B3GLCT: variants seen among roughly 807,000 people sequenced by gnomAD.
The protein encoded by B3GLCT is beta-1,3-glucosyltransferase.
In B3GLCT, 65 loss-of-function variants were observed where a neutral mutation model predicts 63.4. The ratio of observed to expected loss-of-function variants is 1.03; its 90% CI spans 0.84 to 1.26. B3GLCT has a LOEUF of 1.26. B3GLCT is among the 50% of genes most tolerant of loss of function. The pLI, the probability that B3GLCT is intolerant of heterozygous loss-of-function variation, is 0.00. For missense variants in B3GLCT, 577 were observed against 604.8 expected (o/e 0.95, Z 0.48); for synonymous variants, 233 against 219.2 (o/e 1.06, Z -0.55).
chr13:31,298,621 C>A (rs9543981), intron 12 of B3GLCT, among the ~76,000 whole-genome samples: 11,436 of 151,526 alleles, frequency 0.075, 627 homozygotes, highest in Non-Finnish European at 0.12. Flanking sequence ...ACTACTATTT[C>A]TCTTTCTCTC....
intron 1 of B3GLCT, among the ~76,000 whole-genome samples, chr13:31,207,188 G>T (rs1869003348): frequency 6.6e-6 from 1 of 152,098 alleles, no homozygotes; most frequent in South Asian, 2.1e-4. Flanking sequence ...TTAATAAGAT[G>T]CCCAAAAGTT....
At chr13:31,224,924 G>T (rs1313277729) in intron 3 of B3GLCT, among the ~76,000 whole-genome samples, 1 of 152,146 alleles carries the variant, frequency 6.6e-6, no homozygotes, top group African/African-American at 2.4e-5. Context: ...CCCATGGTAG[G>T]TGCTCAGCAA....
chr13:31,312,158 C>G (rs1393332560), intron 12 of B3GLCT, among the ~76,000 whole-genome samples: 1 of 152,200 alleles, frequency 6.6e-6, no homozygotes, highest in Admixed American at 6.5e-5. Flanking sequence ...TGAAGTCTTG[C>G]TCTTTCTATG....
intron 4 of B3GLCT, among the ~76,000 whole-genome samples, chr13:31,241,283 C>G (rs1305540608): frequency 6.6e-6 from 1 of 152,240 alleles, no homozygotes; most frequent in Non-Finnish European, 1.5e-5. Context: ...GGGTGGGCCT[C>G]CCTTCCAGCA....
At chr13:31,274,214 T>A (rs977885563) in intron 8 of B3GLCT, among the ~76,000 whole-genome samples, 3 of 152,244 alleles carry the variant, frequency 2.0e-5, no homozygotes, top group African/African-American at 7.2e-5. Context: ...CTTACATCTC[T>A]CTCTGTGATG....
chr13:31,250,614 A>G (rs1390105394), intron 6 of B3GLCT, among the ~76,000 whole-genome samples: 1 of 152,258 alleles, frequency 6.6e-6, no homozygotes, highest in Non-Finnish European at 1.5e-5. Context: ...AACTGGGTGG[A>G]GCCCACCACA....
intron 1 of B3GLCT, among the ~76,000 whole-genome samples, chr13:31,213,028 G>C (rs1032049916): frequency 2.0e-5 from 3 of 150,420 alleles, no homozygotes; most frequent in African/African-American, 7.5e-5. Context: ...TTGTGTGTGT[G>C]TGTGTGTGCA....
intron 1 of B3GLCT, among the ~76,000 whole-genome samples, chr13:31,211,222 C>T (rs1869241163): frequency 6.6e-6 from 1 of 152,098 alleles, no homozygotes; most frequent in Non-Finnish European, 1.5e-5. Flanking sequence ...TGGCAAAACC[C>T]CATCTCTACT....
intron 3 of B3GLCT, among the ~76,000 whole-genome samples, chr13:31,228,089 C>T (rs752332435): frequency 6.6e-6 from 1 of 152,148 alleles, no homozygotes; most frequent in Non-Finnish European, 1.5e-5. Flanking sequence ...TCCTGTTCGC[C>T]GTTGTAAAAA....
intron 8 of B3GLCT, among the ~76,000 whole-genome samples, chr13:31,272,425 C>T (rs1372710210): frequency 6.6e-6 from 1 of 151,850 alleles, no homozygotes; most frequent in Non-Finnish European, 1.5e-5. Context: ...ACCATCTTGG[C>T]CAGGCTGGTC....
intron 7 of B3GLCT, among the ~76,000 whole-genome samples, chr13:31,262,275 T>C (rs1163105162): frequency 1.3e-5 from 2 of 152,232 alleles, no homozygotes; most frequent in African/African-American, 4.8e-5. Context: ...TTAATAAATG[T>C]ACGTTATGCT....
At chr13:31,223,938 T>A (rs9541291) in intron 3 of B3GLCT, among the ~76,000 whole-genome samples, 1 of 152,026 alleles carries the variant, frequency 6.6e-6, no homozygotes, top group Non-Finnish European at 1.5e-5. Flanking sequence ...AATATGCTCT[T>A]CTTGCTTCCT....
intron 12 of B3GLCT, among the ~76,000 whole-genome samples, chr13:31,294,893 T>G (rs750806695): frequency 1.0e-4 from 15 of 147,878 alleles, no homozygotes; most frequent in African/African-American, 2.2e-4. Context: ...GGCATTCTGG[T>G]TTTTTTTTTG....
chr13:31,264,347 G>A (rs1004587845), intron 7 of B3GLCT, among the ~76,000 whole-genome samples: 2 of 152,052 alleles, frequency 1.3e-5, no homozygotes, highest in African/African-American at 4.8e-5. Context: ...GAGGAGTGAG[G>A]CACCAGATAG....
At chr13:31,240,158 G>C (rs1008900224) in intron 4 of B3GLCT, among the ~76,000 whole-genome samples, 11 of 152,252 alleles carry the variant, frequency 7.2e-5, no homozygotes, top group African/African-American at 2.6e-4. Context: ...TCAGAAGTCA[G>C]GATGCTTAAA....
At chr13:31,308,424 G>C (rs891443793) in intron 12 of B3GLCT, among the ~76,000 whole-genome samples, 5 of 150,392 alleles carry the variant, frequency 3.3e-5, no homozygotes, top group Non-Finnish European at 3.0e-5. Context: ...AATTTGGGGT[G>C]TTCTACTTGG....
At chr13:31,263,319 A>T (rs1439379623) in intron 7 of B3GLCT, among the ~76,000 whole-genome samples, 1 of 152,194 alleles carries the variant, frequency 6.6e-6, no homozygotes, top group Non-Finnish European at 1.5e-5. Context: ...GTAACTATTT[A>T]TTCTTGCTTC....
Position 31,284,638 on chromosome 13 carries a change from A to T in B3GLCT, c.851-10A>T. 1 of 1,497,926 alleles carries T rather than the reference A, an allele frequency of 6.7e-7. No individual in the cohort carries two copies. 92.8% of individuals were successfully genotyped at this position (1,497,926 alleles called of 1,614,324 possible). The stretch of plus-strand genomic sequence containing the variant: ...TGTGCCAGTGATTGTCACCTCTGTA[A>T]TTTTTTCAGTACCTATTGTTAAGCA... On this transcript the variant is annotated splice_polypyrimidine_tract_variant and intron_variant, in intron 10 of 14. Coordinates refer to ENST00000343307, the MANE Select transcript of B3GLCT (RefSeq NM_194318.4).
At chr13:31,229,408 T>C (rs1282999542) in intron 4 of B3GLCT, 114 bp downstream of exon 4, 1 of 741,256 alleles carries the variant, frequency 1.3e-6, no homozygotes, top group Non-Finnish European at 2.4e-6. Flanking sequence ...GAATAACTCC[T>C]CTGACTCATT....
Sources: gnomAD v4.1 joint callset for allele counts (sites outside exome capture counted in the v4.1 genomes callset) on GRCh38, gnomAD v4.1.1 for gene constraint, MANE v1.5 for transcripts, NCBI Gene and HGNC (gene_info 2026-07-23, HGNC 2026-07-21) for gene names.